The following SP4 variants were observed in gnomAD, a reference collection of about 807,000 sequenced individuals.
SP4 encodes the protein Sp4 transcription factor, also known as transcription factor Sp4.
Under a neutral mutation model 72.8 loss-of-function variants are expected in SP4, and 19 were observed. That is an observed-to-expected ratio of 0.26 (90% CI 0.18 to 0.38). The LOEUF (loss-of-function observed/expected upper bound fraction) is 0.38, where lower values mean the gene tolerates loss of function less well. SP4 is among the 10% of genes least tolerant of loss of function. SP4 has a pLI of 1.00. For missense variants in SP4, 1,008 were observed against 926.3 expected (o/e 1.09, Z -1.14); for synonymous variants, 395 against 333.1 (o/e 1.19, Z -2.02).
At chr7:21,455,776 C>A (rs2128400180) in intron 3 of SP4, among the ~76,000 whole-genome samples, 1 of 152,290 alleles carries the variant, frequency 6.6e-6, no homozygotes, top group East Asian at 1.9e-4. Context: ...CTTTTGTCTG[C>A]AGTCTTGGGC....
At chr7:21,476,199 A>T (rs1215944233) in intron 3 of SP4, among the ~76,000 whole-genome samples, 2 of 140,376 alleles carry the variant, frequency 1.4e-5, no homozygotes, top group Non-Finnish European at 3.0e-5. Flanking sequence ...GCTTGAACCC[A>T]GGAGGTGGAG....
At chr7:21,505,868 A>C (rs1230283160) in intron 5 of SP4, among the ~76,000 whole-genome samples, 1 of 152,146 alleles carries the variant, frequency 6.6e-6, no homozygotes, top group Non-Finnish European at 1.5e-5. Flanking sequence ...CTTCAGTGGA[A>C]ATGGGATATT....
intron 3 of SP4, among the ~76,000 whole-genome samples, chr7:21,460,899 T>G (rs193109291): frequency 6.6e-6 from 1 of 152,212 alleles, no homozygotes; most frequent in East Asian, 1.9e-4. Context: ...AGAGTGCCGA[T>G]TGGTGCATTC....
At chr7:21,509,912 T>G (rs1380380181) in intron 5 of SP4, among the ~76,000 whole-genome samples, 1 of 152,170 alleles carries the variant, frequency 6.6e-6, no homozygotes, top group Non-Finnish European at 1.5e-5. Context: ...TCCACATGGC[T>G]GGGGAGGCCT....
chr7:21,437,043 A>G (rs1783073262), intron 3 of SP4, among the ~76,000 whole-genome samples: 1 of 152,234 alleles, frequency 6.6e-6, no homozygotes, highest in Non-Finnish European at 1.5e-5. Flanking sequence ...TCCTAGGGTC[A>G]GAAGGAACTT....
At chr7:21,492,090 G>A (rs1784994016) in intron 5 of SP4, among the ~76,000 whole-genome samples, 1 of 152,096 alleles carries the variant, frequency 6.6e-6, no homozygotes, top group Admixed American at 6.5e-5. Flanking sequence ...AATTAACATT[G>A]TCTTGTAGAT....
intron 3 of SP4, among the ~76,000 whole-genome samples, chr7:21,468,766 G>T (rs60430902): frequency 0.08 from 12,151 of 151,896 alleles, 1,071 homozygotes; most frequent in East Asian, 0.28. Context: ...CATTGGCTTA[G>T]ACCTTAAGGA....
In SP4 at chr7:21,472,829, G is replaced by A. The variant is rs60666320; in HGVS notation, c.1679-4250G>A. 2.7e-3 allele frequency among the ~76,000 whole-genome samples: 414 copies of A among 152,018 alleles called. 3 individuals are homozygous for A. Among genetic ancestry groups the A allele is most frequent in the Middle Eastern group, 6.8e-3 (2 of 294 alleles). On this transcript the variant is annotated intron_variant, in intron 3 of 5. Coordinates refer to ENST00000222584, the MANE Select transcript of SP4 (RefSeq NM_003112.5). ...CAAAAAGGAGCTAACAGAGAAGAAG[G>A]GGTTTCTGAAATGTAGGAAGTTAGC...
intron 5 of SP4, among the ~76,000 whole-genome samples, chr7:21,484,838 A>G (rs551810296): frequency 3.9e-5 from 6 of 151,950 alleles, no homozygotes; most frequent in Admixed American, 3.3e-4. Context: ...ACACTTGCAG[A>G]TACACAAAAC....
chr7:21,447,038 G>A (rs551394253), intron 3 of SP4, among the ~76,000 whole-genome samples: 2 of 152,310 alleles, frequency 1.3e-5, no homozygotes, highest in Admixed American at 1.3e-4. Context: ...CAACAGCAAA[G>A]ATGGGGGCCA....
At chr7:21,430,893 A>G (rs1782827869) in intron 3 of SP4, 50 bp downstream of exon 3, 12 of 1,364,120 alleles carry the variant, frequency 8.8e-6, no homozygotes, top group Non-Finnish European at 1.2e-5. Context: ...TTTCATAACA[A>G]TTATTGCTTT....
In SP4 at chr7:21,451,349, G is replaced by GT. The variant is rs144971811; in HGVS notation, c.1678+20509dup. 5.2e-4 allele frequency among the ~76,000 whole-genome samples: 79 copies of GT among 152,278 alleles called. No homozygotes were observed. The East Asian group carries it at 0.014, about 28-fold the overall frequency. On this transcript the variant is annotated intron_variant, in intron 3 of 5. Transcript: ENST00000222584. ...GACCAATTACTATATTAGAGCGACA[G>GT]TTTAACAACTGCCTGACCACCTGAT...
intron 3 of SP4, among the ~76,000 whole-genome samples, chr7:21,445,982 ATG>A (rs1270918244): frequency 9.9e-6 from 1 of 100,832 alleles, no homozygotes; most frequent in Non-Finnish European, 1.9e-5. Context: ...TGTGTATCTT[ATG>A]TGTATGTGTG....
chr7:21,510,807 G>A (rs73682608), intron 5 of SP4, among the ~76,000 whole-genome samples: 3,280 of 152,314 alleles, frequency 0.022, 122 homozygotes, highest in African/African-American at 0.074. Flanking sequence ...GTTCATAGCA[G>A]AAGCAGGACT....
In SP4 at chr7:21,482,186, G is replaced by A. The variant is rs944817595; in HGVS notation, c.2107+63G>A. On this transcript the variant is annotated intron_variant, in intron 5 of 5. Coordinates refer to ENST00000222584, the MANE Select transcript of SP4 (RefSeq NM_003112.5). The stretch of plus-strand genomic sequence containing the variant: ...CTTCAGTTTTTACATGAAAATTTTA[G>A]TGATAGTTTAGCTATCAAATTGGAA... 5 of 1,336,358 alleles carry A rather than the reference G, an allele frequency of 3.7e-6. No homozygotes were observed. The Admixed American group carries it at 7.5e-5, about 20-fold the overall frequency. 82.8% of individuals were successfully genotyped at this position (1,336,358 alleles called of 1,614,324 possible).
intron 3 of SP4, among the ~76,000 whole-genome samples, chr7:21,476,048 A>G (rs1337550887): frequency 6.6e-6 from 1 of 152,126 alleles, no homozygotes; most frequent in Non-Finnish European, 1.5e-5. Flanking sequence ...AAGCAGGTGA[A>G]TCACCTGAGG....
chr7:21,486,303 C>A (rs929458083), intron 5 of SP4, among the ~76,000 whole-genome samples: 1 of 151,972 alleles, frequency 6.6e-6, no homozygotes. Flanking sequence ...CCAAGCTTCC[C>A]TTATTGTAAA....
rs1321488829 is a variant in SP4 at position 21,477,174 on chromosome 7, G to T, written c.1774G>T (p.Ala592Ser). ...VGGIANATIG[A>S]VSPDQLTQVH... Reference sequence around the variant, plus strand: ...AGGAATTGCTAATGCCACGATAGGTGCTGTTAGTCCTGACCAACTCACACA... The same window carrying T: ...AGGAATTGCTAATGCCACGATAGGTTCTGTTAGTCCTGACCAACTCACACA... Residue 592 changes from alanine (A) to serine (S), a missense_variant, in exon 4 of 6, where the codon GCT (alanine) becomes TCT (serine). Transcript: ENST00000222584. The T allele has an allele frequency of 6.2e-7, 1 of 1,614,136 alleles. No homozygotes were observed. The highest frequency in any genetic ancestry group is 1.7e-5 in the Admixed American group (1 of 60,026).
intron 5 of SP4, among the ~76,000 whole-genome samples, chr7:21,495,760 A>G (rs1235669400): frequency 6.6e-6 from 1 of 152,164 alleles, no homozygotes; most frequent in African/African-American, 2.4e-5. Flanking sequence ...TACCCAAGAG[A>G]AGTAAGAACT....
Sources: gnomAD v4.1 joint callset for allele counts (sites outside exome capture counted in the v4.1 genomes callset) on GRCh38, gnomAD v4.1.1 for gene constraint, MANE v1.5 for transcripts, NCBI Gene and HGNC (gene_info 2026-07-23, HGNC 2026-07-21) for gene names.